LCOR: variants seen among roughly 807,000 people sequenced by gnomAD.
LCOR encodes ligand-dependent corepressor.
Under a neutral mutation model 64.4 loss-of-function variants are expected in LCOR, and 14 were observed. The ratio of observed to expected loss-of-function variants is 0.22; its 90% CI spans 0.14 to 0.34. The LOEUF (loss-of-function observed/expected upper bound fraction) is 0.34. LCOR is among the 10% of genes least tolerant of loss of function. The pLI, the probability that LCOR is intolerant of heterozygous loss-of-function variation, is 1.00. For synonymous variants in LCOR, 643 were observed against 642.5 expected (o/e 1.00, Z -0.01); for missense variants, 1,686 against 1,765.3 (o/e 0.96, Z 0.80).
intron 2 of LCOR, among the ~76,000 whole-genome samples, chr10:96,862,632 TC>T (rs1051098532): frequency 6.6e-6 from 1 of 152,244 alleles, no homozygotes; most frequent in African/African-American, 2.4e-5. Context: ...TTTTCCCTTC[TC>T]CAGAGTTTGG....
At chr10:96,897,664 A>G (rs569747095) in intron 2 of LCOR, among the ~76,000 whole-genome samples, 4 of 152,210 alleles carry the variant, frequency 2.6e-5, no homozygotes, top group Non-Finnish European at 4.4e-5. Flanking sequence ...TCCTTAATGT[A>G]TTAATACTAT....
Position 96,949,071 on chromosome 10 carries a change from T to G in LCOR, c.14T>G (p.Ile5Ser). Residue 5 changes from isoleucine (I) to serine (S), a missense_variant, in exon 6 of 8, where the codon ATC becomes AGC. Coordinates refer to ENST00000421806, the MANE Select transcript of LCOR (RefSeq NM_001346516.2). Reference sequence around the variant, plus strand: ...GCCCGTGAGATCATGCAGCGAATGATCCAACAATTTGCTGCTGAATATACC... The same window carrying G: ...GCCCGTGAGATCATGCAGCGAATGAGCCAACAATTTGCTGCTGAATATACC... MQRM[I>S]QQFAAEYTSK... is the part of the protein sequence containing the mutation. 1 of 1,613,912 alleles carries G rather than the reference T, an allele frequency of 6.2e-7. No homozygotes were observed. Among genetic ancestry groups the G allele is most frequent in the Non-Finnish European group, 8.5e-7 (1 of 1,179,926 alleles).
At chr10:96,922,859 A>G (rs564174703) in intron 4 of LCOR, among the ~76,000 whole-genome samples, 21 of 152,298 alleles carry the variant, frequency 1.4e-4, no homozygotes, top group African/African-American at 4.8e-4. Context: ...GACAAGAGTC[A>G]TTTGTGGTAG....
chr10:96,938,299 C>CA (rs1847388061), intron 4 of LCOR, among the ~76,000 whole-genome samples: 1 of 152,260 alleles, frequency 6.6e-6, no homozygotes, highest in East Asian at 1.9e-4. Flanking sequence ...GAGTAAGTGA[C>CA]ACAGACCACA....
chr10:96,974,766 C>G (rs959656803), intron 7 of LCOR, among the ~76,000 whole-genome samples: 2 of 152,180 alleles, frequency 1.3e-5, no homozygotes, highest in African/African-American at 2.4e-5. Flanking sequence ...ACAGGAAAAA[C>G]TGGCTAACAC....
chr10:96,910,873 G>C (rs1430819882), intron 4 of LCOR, among the ~76,000 whole-genome samples: 1 of 152,180 alleles, frequency 6.6e-6, no homozygotes, highest in Non-Finnish European at 1.5e-5. Flanking sequence ...CTGTAGAATG[G>C]ATAAAGCAAA....
At chr10:96,890,635 T>C (rs1361715268) in intron 2 of LCOR, among the ~76,000 whole-genome samples, 1 of 152,150 alleles carries the variant, frequency 6.6e-6, no homozygotes, top group Non-Finnish European at 1.5e-5. Context: ...CCTTGCCTTA[T>C]TTTTGATATT....
In LCOR at chr10:96,984,202, G is replaced by T. The variant is rs1411043357; in HGVS notation, c.3742G>T (p.Ala1248Ser). The change falls in exon 8 of 8, where the codon GCT becomes TCT. Residue 1248 changes from alanine to serine, a missense_variant. By Grantham distance (99) the Ala-to-Ser change is moderately conservative. This residue lies in a region of LCOR where 1,293 missense variants were observed against 1,410.4 expected (regional missense o/e 0.92). Transcript: ENST00000421806. ...HLKKFPGATP[A>S]KNNWKMQKLW... is the part of the protein sequence containing the mutation. ...GAAGAAATTTCCTGGAGCTACCCCT[G>T]CTAAGAATAATTGGAAAATGCAGAA... The T allele has an allele frequency of 6.2e-7, 1 of 1,614,040 alleles. No individual in the cohort carries two copies. Among genetic ancestry groups the T allele is most frequent in the Admixed American group, 1.7e-5 (1 of 60,008 alleles).
intron 2 of LCOR, among the ~76,000 whole-genome samples, chr10:96,873,903 G>GGATA (rs1846120052): frequency 6.6e-6 from 1 of 152,082 alleles, no homozygotes; most frequent in Admixed American, 6.6e-5. Flanking sequence ...GTGGGGGAAG[G>GGATA]GATAGCATCA....
chr10:96,931,592 C>G (rs1847262016), intron 4 of LCOR, among the ~76,000 whole-genome samples: 1 of 152,240 alleles, frequency 6.6e-6, no homozygotes. Context: ...CCTTCCACAA[C>G]TCCTTTAAAA....
intron 4 of LCOR, among the ~76,000 whole-genome samples, chr10:96,915,220 A>G (rs1646259101): frequency 6.6e-6 from 1 of 152,122 alleles, no homozygotes; most frequent in Admixed American, 6.5e-5. Context: ...CATAGCTTTT[A>G]AAAATATGTA....
At chr10:96,941,204 C>T (rs1316750578) in intron 4 of LCOR, among the ~76,000 whole-genome samples, 1 of 139,976 alleles carries the variant, frequency 7.1e-6, no homozygotes, top group Admixed American at 7.0e-5. Flanking sequence ...CCCCCCACCT[C>T]CCTCCCGGAC....
At position 96,884,803 on chromosome 10, in the gene LCOR, G is replaced by A. The variant is rs189105744; in HGVS notation, c.-329-22462G>A. ...TTAAGGCCCTTCTGCCCCTGCATAT[G>A]TATTAAAACCCAAGTTGGTTTTAAT... On this transcript the variant is annotated intron_variant, in intron 2 of 7. Coordinates refer to ENST00000421806, the MANE Select transcript of LCOR (RefSeq NM_001346516.2). 1.1e-4 allele frequency among the ~76,000 whole-genome samples: 16 copies of A among 152,232 alleles called. No homozygotes were observed. In the East Asian group the frequency reaches 3.1e-3, roughly 29 times the overall value.
chr10:96,878,882 T>A (rs997462405), intron 2 of LCOR, among the ~76,000 whole-genome samples: 1 of 152,092 alleles, frequency 6.6e-6, no homozygotes, highest in African/African-American at 2.4e-5. Context: ...AGCAGTGACC[T>A]CCCAGGCTCA....
chr10:96,937,503 G>T (rs899490114), intron 4 of LCOR, among the ~76,000 whole-genome samples: 2 of 152,044 alleles, frequency 1.3e-5, no homozygotes, highest in African/African-American at 2.4e-5. Flanking sequence ...TATCTTCACT[G>T]GTATATATAT....
In LCOR at chr10:96,863,126, G is replaced by A. The variant is rs374411468; in HGVS notation, c.-330+29647G>A. 8.3e-3 allele frequency among the ~76,000 whole-genome samples: 1,210 copies of A among 145,600 alleles called. 11 individuals are homozygous for A. The highest frequency in any genetic ancestry group is 0.041 in the South Asian group (186 of 4,558). Reference sequence around the variant, plus strand: ...TCATACTCCTGACCTCAAGTGATCTGCCCACCTCAGCCTCCCAGAGTGCTG... The same window carrying A: ...TCATACTCCTGACCTCAAGTGATCTACCCACCTCAGCCTCCCAGAGTGCTG... On this transcript the variant is annotated intron_variant, in intron 2 of 7. Transcript: ENST00000421806.
intron 2 of LCOR, among the ~76,000 whole-genome samples, chr10:96,844,097 C>G (rs1268331095): frequency 9.5e-6 from 1 of 105,446 alleles, no homozygotes; most frequent in Non-Finnish European, 1.8e-5. Flanking sequence ...CCCACCCTCC[C>G]TCCCTCCCTT....
intron 7 of LCOR, chr10:96,956,354 A>G: frequency 3.0e-6 from 3 of 986,674 alleles, no homozygotes; most frequent in Non-Finnish European, 3.6e-6. Context: ...ATCACTGCAA[A>G]TTGGAAAGCC....
chr10:96,941,242 C>CT (rs1847464918), intron 4 of LCOR, among the ~76,000 whole-genome samples: 1 of 88,018 alleles, frequency 1.1e-5, no homozygotes, highest in African/African-American at 7.2e-5. Flanking sequence ...GGGGGGCTGA[C>CT]CCCCCCACCT....
Sources: gnomAD v4.1 joint callset for allele counts (sites outside exome capture counted in the v4.1 genomes callset) on GRCh38, gnomAD v4.1.1 for gene constraint, gnomAD v4.1.1 regional missense constraint, MANE v1.5 for transcripts, NCBI Gene and HGNC (gene_info 2026-07-23, HGNC 2026-07-21) for gene names.